The following SESN3 variants were observed in gnomAD, a reference collection of about 807,000 sequenced individuals.
The protein encoded by SESN3 is sestrin 3, also known as sestrin-3.
A neutral mutation model predicts 55.3 loss-of-function variants in SESN3; 21 were observed. The ratio of observed to expected loss-of-function variants is 0.38; its 90% CI spans 0.27 to 0.55. The LOEUF (loss-of-function observed/expected upper bound fraction) is 0.55, where lower values mean the gene tolerates loss of function less well. Among genes scored for constraint, SESN3 ranks in the 20% least tolerant of loss-of-function variants. SESN3 has a pLI of 0.76. For missense variants in SESN3, 408 were observed against 604.3 expected, an observed-to-expected ratio of 0.68 and a Z score of 3.41; for synonymous variants, 181 against 203.1, an observed-to-expected ratio of 0.89 and a Z score of 0.93.
At chr11:95,174,220 GTTT>G (rs1217856250) in intron 9 of SESN3, among the ~76,000 whole-genome samples, 1 of 152,154 alleles carries the variant, frequency 6.6e-6, no homozygotes, top group African/African-American at 2.4e-5. Context: ...ATTAGCGAAT[GTTT>G]CCTAAAAAGA....
intron 1 of SESN3, among the ~76,000 whole-genome samples, chr11:95,212,130 A>G (rs1159800354): frequency 1.3e-5 from 2 of 152,188 alleles, no homozygotes; most frequent in African/African-American, 4.8e-5. Context: ...GTCCACTGAA[A>G]CCACATACCT....
At chr11:95,224,062 A>T (rs1860906913) in intron 1 of SESN3, among the ~76,000 whole-genome samples, 1 of 152,206 alleles carries the variant, frequency 6.6e-6, no homozygotes, top group Admixed American at 6.5e-5. Context: ...AAATCTCTTT[A>T]ATGTCTATTT....
chr11:95,216,598 C>A (rs1170812777), intron 1 of SESN3, among the ~76,000 whole-genome samples: 1 of 152,122 alleles, frequency 6.6e-6, no homozygotes, highest in Non-Finnish European at 1.5e-5. Context: ...TATCTAACTA[C>A]AAATGGAGTT....
chr11:95,175,658 C>T lies in SESN3; in HGVS notation c.1248-16G>A, dbSNP rs1311974633. 1 of 1,597,872 alleles carries T rather than the reference C, an allele frequency of 6.3e-7. No homozygotes were observed. The highest frequency in any genetic ancestry group is 1.1e-5 in the South Asian group (1 of 89,906). Reference sequence around the variant, plus strand: ...GTCATCATACCTACGAGCAATACAACAATAGCTTTATAATGACAAAATCAA... The same window carrying T: ...GTCATCATACCTACGAGCAATACAATAATAGCTTTATAATGACAAAATCAA... On this transcript the variant is annotated splice_polypyrimidine_tract_variant and intron_variant, in intron 8 of 9. Coordinates refer to ENST00000536441, the MANE Select transcript of SESN3 (RefSeq NM_144665.4).
rs533067618 is a variant in SESN3, at chr11:95,218,966, T to A, written c.78+11817A>T. ...CGCACCCGGCCATATTTACCCTTAT[T>A]TTTAAGAGCACCAAATACTAAATAG... is the stretch of plus-strand genomic sequence containing the variant. On this transcript the variant is annotated intron_variant, in intron 1 of 9. Transcript: ENST00000536441. Among the ~76,000 whole-genome samples, 7 of 152,356 alleles carry A rather than the reference T, an allele frequency of 4.6e-5. No homozygotes were observed. The South Asian group carries it at 1.4e-3, about 32-fold the overall frequency.
chr11:95,227,182 C>CT lies in SESN3; in HGVS notation c.78+3600dup, dbSNP rs66776881. ...TCATATAGTTCAATCTAGTATTTTT[C>CT]TTTTTTTTTTTTGTCTTTTTTTTTG... On this transcript the variant is annotated intron_variant, in intron 1 of 9. Transcript: ENST00000536441. 2.9e-3 allele frequency among the ~76,000 whole-genome samples: 408 copies of CT among 140,872 alleles called. 2 individuals are homozygous for CT. The highest frequency in any genetic ancestry group is 0.011 in the Middle Eastern group (3 of 278). 92.4% of individuals were successfully genotyped at this position (140,872 alleles called of 152,430 possible).
chr11:95,205,555 G>A (rs1860532044), intron 1 of SESN3, among the ~76,000 whole-genome samples: 1 of 152,130 alleles, frequency 6.6e-6, no homozygotes, highest in African/African-American at 2.4e-5. Context: ...TGACTGTATG[G>A]ATGAATAATG....
chr11:95,171,106 C>T lies in SESN3; in HGVS notation c.*2149G>A, dbSNP rs780646303. On this transcript the variant is annotated 3_prime_UTR_variant, in exon 10 of 10. Transcript: ENST00000536441. ...AGTTCGCCTGCACAAAAATATAGGG[C>T]TATTAATTGAAAGCATCTAGTAAAA... 6.6e-6 allele frequency: 1 copy of T among 152,152 alleles called. No individual in the cohort carries two copies. The highest frequency in any genetic ancestry group is 1.9e-4 in the East Asian group (1 of 5,186). The allele number at this position is 152,152 out of a possible 1,614,324, so 9.4% of individuals were successfully genotyped here. A position where few individuals can be genotyped will look rare whatever the true frequency, so the allele number is the denominator to read the frequency against.
chr11:95,207,953 C>T lies in SESN3; in HGVS notation c.79-14431G>A, dbSNP rs560165784. ...CCTCCCACAGTGCTGGGATTATAGG[C>T]GTGAGCCACCACACCCAGCTAATTT... On this transcript the variant is annotated intron_variant, in intron 1 of 9. Coordinates refer to ENST00000536441, the MANE Select transcript of SESN3 (RefSeq NM_144665.4). Among the ~76,000 whole-genome samples the T allele has an allele frequency of 6.6e-5, 10 of 151,116 alleles. No homozygotes were observed. In the South Asian group the frequency reaches 1.3e-3, roughly 19 times the overall value.
chr11:95,185,593 A>G (rs144674796), intron 4 of SESN3, 101 bp from the exon 5 acceptor site: 2 of 759,536 alleles, frequency 2.6e-6, no homozygotes, highest in Admixed American at 2.3e-5. Context: ...ACTTAGAGTA[A>G]TAAAACTTAA....
chr11:95,180,514 G>A (rs1025243501), intron 6 of SESN3, among the ~76,000 whole-genome samples: 1 of 152,026 alleles, frequency 6.6e-6, no homozygotes, highest in African/African-American at 2.4e-5. Context: ...TACATATAAA[G>A]AAAAGAGACG....
At chr11:95,213,131 T>C (rs1860689272) in intron 1 of SESN3, among the ~76,000 whole-genome samples, 2 of 148,824 alleles carry the variant, frequency 1.3e-5, no homozygotes, top group Middle Eastern at 6.8e-3. Context: ...AACAAAAATC[T>C]TCATAGTCCT....
At chr11:95,196,386 T>A (rs773110707) in intron 1 of SESN3, among the ~76,000 whole-genome samples, 32 of 152,108 alleles carry the variant, frequency 2.1e-4, no homozygotes, top group Non-Finnish European at 4.0e-4. Context: ...CACTTTTCTA[T>A]CTCTGCATGC....
intron 1 of SESN3, among the ~76,000 whole-genome samples, chr11:95,220,739 C>A (rs1860842792): frequency 6.6e-6 from 1 of 152,124 alleles, no homozygotes; most frequent in Non-Finnish European, 1.5e-5. Context: ...TAAGACAAGG[C>A]AGTGTTTATA....
chr11:95,227,481 G>A (rs1407621582), intron 1 of SESN3, among the ~76,000 whole-genome samples: 1 of 152,054 alleles, frequency 6.6e-6, no homozygotes, highest in African/African-American at 2.4e-5. Flanking sequence ...TGGGATTACA[G>A]GCGTAAGCCA....
Position 95,169,562 on chromosome 11 carries a change from A to G in SESN3, c.*3693T>C, listed in dbSNP as rs1185854775. Reference sequence around the variant, plus strand: ...AATTGTCTTTAAAATACAACCTAAAACACCTTATTTTGCTAACACAGTGCA... The same window carrying G: ...AATTGTCTTTAAAATACAACCTAAAGCACCTTATTTTGCTAACACAGTGCA... On this transcript the variant is annotated 3_prime_UTR_variant, in exon 10 of 10. Coordinates refer to ENST00000536441, the MANE Select transcript of SESN3 (RefSeq NM_144665.4). 6.6e-6 allele frequency: 1 copy of G among 152,196 alleles called. No homozygotes were observed. Among genetic ancestry groups the G allele is most frequent in the African/African-American group, 2.4e-5 (1 of 41,460 alleles). 9.4% of individuals were successfully genotyped at this position (152,196 alleles called of 1,614,324 possible). A position where few individuals can be genotyped will look rare whatever the true frequency, so the allele number is the denominator to read the frequency against.
chr11:95,194,107 G>A (rs892143832), intron 1 of SESN3, among the ~76,000 whole-genome samples: 1 of 151,976 alleles, frequency 6.6e-6, no homozygotes, highest in Non-Finnish European at 1.5e-5. Flanking sequence ...ATTAACAACT[G>A]ACAGATTGCC....
rs370213912 is a variant in SESN3 at position 95,173,123 on chromosome 11, A to C, written c.*132T>G. On this transcript the variant is annotated 3_prime_UTR_variant, in exon 10 of 10. Transcript: ENST00000536441. The stretch of plus-strand genomic sequence containing the variant: ...CACATTACAGCCGCAAAAAACAAAA[A>C]AAAAAAAACAAACGGCTAAACTTTG... 972 of 526,486 alleles carry C rather than the reference A, an allele frequency of 1.8e-3. 4 individuals are homozygous for C. The highest frequency in any genetic ancestry group is 0.012 in the African/African-American group (601 of 51,786). 32.6% of individuals were successfully genotyped at this position (526,486 alleles called of 1,614,324 possible). A position where few individuals can be genotyped will look rare whatever the true frequency, so the allele number is the denominator to read the frequency against.
chr11:95,185,108 G>A, intron 5 of SESN3, 148 bp downstream of exon 5: 2 of 565,596 alleles, frequency 3.5e-6, no homozygotes, highest in Non-Finnish European at 6.2e-6. Context: ...AGAACTTCAG[G>A]TACCAAATTT....
Sources: allele counts gnomAD v4.1 joint callset (sites outside exome capture counted in the v4.1 genomes callset), GRCh38; gene constraint gnomAD v4.1.1; transcripts MANE v1.5; gene names NCBI Gene and HGNC (gene_info 2026-07-23, HGNC 2026-07-21).